Variants in EPG5 observed in about 807,000 individuals in gnomAD.
EPG5 encodes ectopic P granules protein 5 homolog.
EPG5 carries 159 observed loss-of-function variants against 302.7 expected under a neutral mutation model. The ratio of observed to expected loss-of-function variants is 0.53; its 90% CI spans 0.46 to 0.60. EPG5 has a LOEUF of 0.60. EPG5 is among the 20% of genes least tolerant of loss of function. The pLI, the probability that EPG5 is intolerant of heterozygous loss-of-function variation, is 0.00. For synonymous variants in EPG5, 1,158 were observed against 1,136.8 expected (o/e 1.02, Z -0.37); for missense variants, 2,896 against 3,092.4 (o/e 0.94, Z 1.51).
intron 10 of EPG5, among the ~76,000 whole-genome samples, chr18:45,939,397 TG>T (rs1241707491): frequency 6.7e-6 from 1 of 150,232 alleles, no homozygotes; most frequent in Non-Finnish European, 1.5e-5. Flanking sequence ...AGAAAGAAAT[TG>T]AGAGAGAGAG....
chr18:45,842,278 G>C, the EPG5 span: 1 of 1,437,842 alleles, frequency 7.0e-7, no homozygotes, highest in Non-Finnish European at 9.8e-7. Flanking sequence ...CTGGTTCTCG[G>C]GCACCTTGGC....
chr18:45,808,304 T>C, the EPG5 span, among the ~76,000 whole-genome samples: 5 of 152,308 alleles, frequency 3.3e-5, no homozygotes, highest in African/African-American at 1.2e-4. Flanking sequence ...GAAAACCTAT[T>C]TGGGGGAATA....
chr18:45,826,769 T>C, the EPG5 span, among the ~76,000 whole-genome samples: 1 of 152,250 alleles, frequency 6.6e-6, no homozygotes, highest in East Asian at 1.9e-4. Context: ...CCCTTTGCCC[T>C]CCCATCTGGC....
At chr18:45,856,508 T>C (rs1481570707) in intron 42 of EPG5, among the ~76,000 whole-genome samples, 2 of 152,226 alleles carry the variant, frequency 1.3e-5, no homozygotes, top group Non-Finnish European at 2.9e-5. Flanking sequence ...ATGTTCTAAA[T>C]GTCACTGAAT....
chr18:45,909,897 G>GATCGTCTCACTATA (rs1219809652), intron 23 of EPG5, among the ~76,000 whole-genome samples: 1 of 152,190 alleles, frequency 6.6e-6, no homozygotes, highest in Non-Finnish European at 1.5e-5. Context: ...GGTGCACTAT[G>GATCGTCTCACTATA]ATCGTCTCAC....
At chr18:45,904,139 T>C in intron 24 of EPG5, 22 bp from the exon 25 acceptor site, 1 of 1,601,652 alleles carries the variant, frequency 6.2e-7, no homozygotes. Context: ...CGACAGTACT[T>C]TAACTCTGAC....
At chr18:45,951,316 A>G (rs958818689) in intron 3 of EPG5, 78 bp from the exon 4 acceptor site, 15 of 1,073,224 alleles carry the variant, frequency 1.4e-5, no homozygotes, top group Middle Eastern at 6.6e-4. Flanking sequence ...ACTTAAACCA[A>G]TAACAACAAA....
At chr18:45,894,200 C>T (rs2049416325) in intron 27 of EPG5, among the ~76,000 whole-genome samples, 1 of 152,136 alleles carries the variant, frequency 6.6e-6, no homozygotes, top group Admixed American at 6.6e-5. Flanking sequence ...TGGCTTACAC[C>T]TGTAATCCTA....
intron 35 of EPG5, among the ~76,000 whole-genome samples, chr18:45,872,022 A>T (rs1311969392): frequency 6.6e-6 from 1 of 152,234 alleles, no homozygotes; most frequent in East Asian, 1.9e-4. Context: ...TGTAAATCAC[A>T]CTGTACCCAT....
At chr18:45,880,248 A>C in intron 31 of EPG5, 25 bp from the exon 32 acceptor site, 1 of 1,544,262 alleles carries the variant, frequency 6.5e-7, no homozygotes, top group Non-Finnish European at 8.7e-7. Flanking sequence ...AGGAAGAGCA[A>C]GTCAGTGGCT....
At chr18:45,836,945 C>A in the EPG5 span, 1 of 786,720 alleles carries the variant, frequency 1.3e-6, no homozygotes, top group Non-Finnish European at 2.3e-6. Flanking sequence ...TGGCCTCATG[C>A]TGGCAGTGTG....
intron 22 of EPG5, 125 bp downstream of exon 22, chr18:45,912,165 A>T: frequency 1.2e-6 from 1 of 831,636 alleles, no homozygotes. Context: ...ACAGAGAAAG[A>T]GTCCTCACCA....
At position 45,867,024 on chromosome 18, in the gene EPG5, T is replaced by A; in HGVS notation, c.6412-17A>T. On this transcript the variant is annotated splice_polypyrimidine_tract_variant and intron_variant, in intron 37 of 43. Transcript: ENST00000282041. Reference sequence around the variant, plus strand: ...AGGTGAATCCTAAAAATAAAACACATATTCCTTTAGTTCCAGAGCCCCAAT... The same window carrying A: ...AGGTGAATCCTAAAAATAAAACACAAATTCCTTTAGTTCCAGAGCCCCAAT... 1 of 1,603,424 alleles carries A rather than the reference T, an allele frequency of 6.2e-7. No homozygotes were observed. Among genetic ancestry groups the A allele is most frequent in the South Asian group, 1.1e-5 (1 of 90,852 alleles).
chr18:45,825,923 C>T, the EPG5 span: 4 of 950,732 alleles, frequency 4.2e-6, no homozygotes, highest in Non-Finnish European at 6.4e-6. Flanking sequence ...CGCTTGGGGC[C>T]TGTGGTGCCA....
At chr18:45,949,650 GGGTCTA>G in intron 4 of EPG5, 59 bp from the exon 5 acceptor site, 1 of 1,175,894 alleles carries the variant, frequency 8.5e-7, no homozygotes, top group African/African-American at 1.5e-5. Flanking sequence ...ATTTATCTAG[GGGTCTA>G]GTAAAGTCAT....
intron 23 of EPG5, among the ~76,000 whole-genome samples, 166 bp from the exon 24 acceptor site, chr18:45,908,247 G>C (rs554149180): frequency 6.6e-6 from 1 of 152,234 alleles, no homozygotes; most frequent in East Asian, 1.9e-4. Context: ...TCCTGGTCCA[G>C]CAGGGGAGGC....
At chr18:45,914,923 G>C (rs565452937) in intron 20 of EPG5, among the ~76,000 whole-genome samples, 10 of 151,370 alleles carry the variant, frequency 6.6e-5, no homozygotes, top group African/African-American at 2.4e-4. Context: ...ATTGAGACCA[G>C]CCTGGGCAAC....
the EPG5 span, among the ~76,000 whole-genome samples, chr18:45,807,246 C>G: frequency 1.3e-5 from 2 of 152,276 alleles, no homozygotes; most frequent in East Asian, 3.9e-4. Context: ...AGAGTCTGTG[C>G]TTAGACATGC....
the EPG5 span, among the ~76,000 whole-genome samples, chr18:45,801,047 G>A: frequency 1.3e-5 from 2 of 151,854 alleles, no homozygotes; most frequent in Admixed American, 1.3e-4. Context: ...TTGTTTTTCG[G>A]TTTTTTTGAG....
Sources: allele counts gnomAD v4.1 joint callset (sites outside exome capture counted in the v4.1 genomes callset), GRCh38; gene constraint gnomAD v4.1.1; transcripts MANE v1.5; gene names NCBI Gene and HGNC (gene_info 2026-07-23, HGNC 2026-07-21).